Variants in ASIC2 observed in about 807,000 individuals in gnomAD.
ASIC2 encodes acid sensing ion channel subunit 2, also known as acid-sensing ion channel 2.
A neutral mutation model predicts 57.3 loss-of-function variants in ASIC2; 25 were observed. The observed-to-expected ratio is 0.44, with a 90% CI of 0.32 to 0.61. ASIC2 has a LOEUF of 0.61. Ranked by LOEUF, ASIC2 falls within the 20% of genes least tolerant of loss-of-function variation. ASIC2 has a pLI of 0.06. For missense variants in ASIC2, 641 were observed against 738.1 expected (o/e 0.87, Z 1.52); for synonymous variants, 319 against 307.5 (o/e 1.04, Z -0.39).
At chr17:33,766,288 G>A (rs1910934426) in intron 1 of ASIC2, among the ~76,000 whole-genome samples, 1 of 152,206 alleles carries the variant, frequency 6.6e-6, no homozygotes, top group South Asian at 2.1e-4. Flanking sequence ...GGAGTAAACA[G>A]TGTATTTAGG....
At chr17:33,758,062 G>T (rs575797308) in intron 1 of ASIC2, among the ~76,000 whole-genome samples, 2 of 152,322 alleles carry the variant, frequency 1.3e-5, no homozygotes, top group South Asian at 4.1e-4. Context: ...GCAATGTGTG[G>T]TTCTGATGAA....
chr17:33,224,493 A>C (rs112159258), intron 1 of ASIC2, among the ~76,000 whole-genome samples: 4 of 152,304 alleles, frequency 2.6e-5, no homozygotes, highest in African/African-American at 9.6e-5. Context: ...GTCGATCAAC[A>C]AATTGGCTAA....
At chr17:33,663,889 C>A (rs985474563) in intron 1 of ASIC2, among the ~76,000 whole-genome samples, 1 of 152,118 alleles carries the variant, frequency 6.6e-6, no homozygotes, top group East Asian at 1.9e-4. Context: ...CAGGGCAGCC[C>A]TCCTCAGAGT....
At chr17:33,345,735 T>C (rs1907916291) in intron 1 of ASIC2, among the ~76,000 whole-genome samples, 1 of 152,192 alleles carries the variant, frequency 6.6e-6, no homozygotes, top group Admixed American at 6.5e-5. Context: ...AGATTCTGGA[T>C]ATGGTTCCAA....
chr17:33,411,734 T>C (rs17185000), intron 1 of ASIC2, among the ~76,000 whole-genome samples: 1 of 152,290 alleles, frequency 6.6e-6, no homozygotes, highest in South Asian at 2.1e-4. Context: ...AGCTTTACCA[T>C]TGACTGACTG....
At chr17:33,753,394 C>T (rs927214905) in intron 1 of ASIC2, among the ~76,000 whole-genome samples, 3 of 152,110 alleles carry the variant, frequency 2.0e-5, no homozygotes, top group Admixed American at 6.5e-5. Context: ...AGTGGACACA[C>T]GTCATCATAC....
At position 33,111,935 on chromosome 17, in the gene ASIC2, G is replaced by C; in HGVS notation, c.841C>G (p.Pro281Ala). The C allele has an allele frequency of 6.2e-7, 1 of 1,613,286 alleles. No individual in the cohort carries two copies. The highest frequency in any genetic ancestry group is 8.5e-7 in the Non-Finnish European group (1 of 1,179,622). The change falls in exon 2 of 10, where the codon CCC (proline) becomes GCC (alanine). Residue 281 changes from proline (P) to alanine (A), a missense_variant. Pro to Ala is a conservative substitution (Grantham distance 27, BLOSUM62 -1). Around this residue, in one of 3 missense-constraint regions of ASIC2, gnomAD observed 382 missense variants for 398.0 expected, o/e 0.96. Transcript: ENST00000225823. The stretch of plus-strand genomic sequence containing the variant: ...AGCTCACCTGTCTCTCCCCAGATGG[G>C]CAGGTACTCATCCTGCTGAATGTCC... ...MLDIQQDEYL[P>A]IWGETEETTF...
intron 1 of ASIC2, among the ~76,000 whole-genome samples, chr17:33,808,162 C>T (rs1026067712): frequency 2.0e-5 from 3 of 152,196 alleles, no homozygotes; most frequent in Non-Finnish European, 4.4e-5. Flanking sequence ...CTGTGCTTTA[C>T]TTTTAGGCGC....
intron 3 of ASIC2, among the ~76,000 whole-genome samples, chr17:33,039,484 G>T (rs986866294): frequency 1.1e-4 from 17 of 152,152 alleles, no homozygotes; most frequent in African/African-American, 4.1e-4. Flanking sequence ...TTAGCTGGGG[G>T]ACATTGGACA....
chr17:33,938,516 T>C (rs1746712697), intron 1 of ASIC2, among the ~76,000 whole-genome samples: 1 of 152,236 alleles, frequency 6.6e-6, no homozygotes, highest in Admixed American at 6.5e-5. Context: ...GCACTTGTCC[T>C]TAATACTCTG....
At chr17:33,234,724 G>A (rs1908229445) in intron 1 of ASIC2, among the ~76,000 whole-genome samples, 2 of 152,138 alleles carry the variant, frequency 1.3e-5, no homozygotes, top group Admixed American at 6.5e-5. Context: ...ATCCTCACAT[G>A]GTGTAAATGG....
chr17:33,040,796 A>G (rs1335120926), intron 3 of ASIC2, among the ~76,000 whole-genome samples: 1 of 152,184 alleles, frequency 6.6e-6, no homozygotes, highest in Non-Finnish European at 1.5e-5. Flanking sequence ...GCAAGGCTCT[A>G]TCATTGACAA....
intron 1 of ASIC2, among the ~76,000 whole-genome samples, chr17:33,660,306 C>T (rs1907217646): frequency 6.6e-6 from 1 of 151,900 alleles, no homozygotes; most frequent in Non-Finnish European, 1.5e-5. Flanking sequence ...ATAAATTAAC[C>T]TTAGCTTATT....
At chr17:33,611,409 A>G (rs545299900) in intron 1 of ASIC2, among the ~76,000 whole-genome samples, 35 of 152,314 alleles carry the variant, frequency 2.3e-4, no homozygotes, top group African/African-American at 7.2e-4. Flanking sequence ...CTTGTGTTCT[A>G]TGGTTCCAGT....
chr17:33,228,054 G>A (rs1907952372), intron 1 of ASIC2, among the ~76,000 whole-genome samples: 1 of 152,134 alleles, frequency 6.6e-6, no homozygotes, highest in African/African-American at 2.4e-5. Flanking sequence ...GAGATGACAG[G>A]GACAGTGTAC....
intron 1 of ASIC2, among the ~76,000 whole-genome samples, chr17:33,989,448 C>T (rs550169187): frequency 1.1e-4 from 16 of 151,918 alleles, no homozygotes; most frequent in Admixed American, 3.3e-4. Flanking sequence ...AAAGAGTGCA[C>T]GAAAGGAGAT....
rs1273588850 is a variant in ASIC2 at position 33,292,721 on chromosome 17, G to A, written c.-606C>T. On this transcript the variant is annotated 5_prime_UTR_variant, in exon 1 of 10. Coordinates refer to ENST00000225823, the MANE Select transcript of ASIC2 (RefSeq NM_183377.2). ...TCCTGGCTGGGCGGGCGGGGTGGGT[G>A]TGTACGGGGGTGAGTGGTCGCCTTG... 3 of 985,464 alleles carry A rather than the reference G, an allele frequency of 3.0e-6. No homozygotes were observed. Among genetic ancestry groups the A allele is most frequent in the Non-Finnish European group, 3.6e-6 (3 of 830,088 alleles). 61.0% of individuals were successfully genotyped at this position (985,464 alleles called of 1,614,324 possible).
chr17:33,055,565 G>A (rs967688189), intron 3 of ASIC2, among the ~76,000 whole-genome samples: 4 of 152,176 alleles, frequency 2.6e-5, no homozygotes, highest in African/African-American at 4.8e-5. Context: ...AGGCTGGAGT[G>A]TAGTGGCATG....
At chr17:33,811,778 G>A (rs1912429338) in intron 1 of ASIC2, among the ~76,000 whole-genome samples, 1 of 152,150 alleles carries the variant, frequency 6.6e-6, no homozygotes, top group South Asian at 2.1e-4. Context: ...TTCCCTGCTG[G>A]GAAGTGGTAC....
Sources: gnomAD v4.1 joint callset for allele counts (sites outside exome capture counted in the v4.1 genomes callset) on GRCh38, gnomAD v4.1.1 for gene constraint, gnomAD v4.1.1 regional missense constraint, MANE v1.5 for transcripts, NCBI Gene and HGNC (gene_info 2026-07-23, HGNC 2026-07-21) for gene names.